Variants in FHIT observed in about 807,000 individuals in gnomAD.
FHIT encodes fragile histidine triad diadenosine triphosphatase.
Under a neutral mutation model 17.9 loss-of-function variants are expected in FHIT, and 19 were observed. The observed-to-expected ratio is 1.06, with a 90% CI of 0.74 to 1.56. The LOEUF (loss-of-function observed/expected upper bound fraction) is 1.56. FHIT is among the 40% of genes most tolerant of loss of function. The pLI, the probability that FHIT is intolerant of heterozygous loss-of-function variation, is 0.00. For synonymous variants in FHIT, 81 were observed against 69.7 expected (o/e 1.16, Z -0.81); for missense variants, 248 against 189.2 (o/e 1.31, Z -1.82).
At chr3:59,788,155 C>T (rs1241422028) in intron 8 of FHIT, among the ~76,000 whole-genome samples, 2 of 152,162 alleles carry the variant, frequency 1.3e-5, no homozygotes, top group African/African-American at 4.8e-5. Flanking sequence ...CTATTAACCA[C>T]ATTTTCCCCT....
intron 5 of FHIT, among the ~76,000 whole-genome samples, chr3:60,139,998 T>G (rs1699970847): frequency 6.6e-6 from 1 of 151,994 alleles, no homozygotes; most frequent in Non-Finnish European, 1.5e-5. Context: ...GACACATGCC[T>G]ATAATCCCAG....
At chr3:59,994,462 G>T (rs995625843) in intron 7 of FHIT, among the ~76,000 whole-genome samples, 1 of 151,960 alleles carries the variant, frequency 6.6e-6, no homozygotes, top group Admixed American at 6.6e-5. Context: ...AATTTGAAAA[G>T]GCAAAAAGAA....
chr3:59,996,537 A>C (rs1699519174), intron 7 of FHIT, among the ~76,000 whole-genome samples: 1 of 152,050 alleles, frequency 6.6e-6, no homozygotes, highest in Non-Finnish European at 1.5e-5. Flanking sequence ...GAATACTTGA[A>C]AGATTCTATG....
At chr3:60,018,706 A>G (rs1186981797) in intron 5 of FHIT, among the ~76,000 whole-genome samples, 1 of 152,152 alleles carries the variant, frequency 6.6e-6, no homozygotes, top group East Asian at 1.9e-4. Context: ...GGCCGGGCGC[A>G]GTGGCTCACG....
chr3:60,939,417 T>C (rs1049266358), intron 3 of FHIT, among the ~76,000 whole-genome samples: 3 of 152,188 alleles, frequency 2.0e-5, no homozygotes, highest in African/African-American at 4.8e-5. Context: ...TACCCTTTAG[T>C]CCTTTACAGA....
intron 7 of FHIT, among the ~76,000 whole-genome samples, chr3:59,953,460 G>A (rs1019816062): frequency 6.6e-6 from 1 of 152,062 alleles, no homozygotes; most frequent in Non-Finnish European, 1.5e-5. Context: ...CATGATTCCC[G>A]GCCAGGTATG....
At position 60,860,193 on chromosome 3, in the gene FHIT, C is replaced by T. The variant is rs1553751102; in HGVS notation, c.-110-38182G>A. On this transcript the variant is annotated intron_variant, in intron 3 of 9. Coordinates refer to ENST00000492590, the MANE Select transcript of FHIT (RefSeq NM_002012.4). The stretch of plus-strand genomic sequence containing the variant: ...ATGTATATATGGTATACATGAGATA[C>T]ATCATATGTATATATGGTATACATG... Among the ~76,000 whole-genome samples, 83 of 98,418 alleles carry T rather than the reference C, an allele frequency of 8.4e-4. 2 individuals carry two copies. The highest frequency in any genetic ancestry group is 1.9e-3 in the African/African-American group (44 of 23,120). The allele number at this position is 98,418 out of a possible 152,430, so 64.6% of individuals were successfully genotyped here.
At chr3:60,320,721 G>C (rs1245511992) in intron 5 of FHIT, among the ~76,000 whole-genome samples, 1 of 152,036 alleles carries the variant, frequency 6.6e-6, no homozygotes, top group South Asian at 2.1e-4. Context: ...TATAAAACTT[G>C]TGCTATAATT....
chr3:60,930,738 G>C (rs1390901165), intron 3 of FHIT, among the ~76,000 whole-genome samples: 1 of 152,164 alleles, frequency 6.6e-6, no homozygotes, highest in Admixed American at 6.5e-5. Flanking sequence ...AGGATGTGGA[G>C]AAATAGGAAC....
At chr3:60,464,913 G>A (rs1044401189) in intron 5 of FHIT, among the ~76,000 whole-genome samples, 3 of 151,974 alleles carry the variant, frequency 2.0e-5, no homozygotes, top group Non-Finnish European at 4.4e-5. Context: ...TAGCTCTTTA[G>A]TCTTTTGAGT....
At chr3:61,180,160 T>C (rs1259078011) in intron 2 of FHIT, among the ~76,000 whole-genome samples, 1 of 152,302 alleles carries the variant, frequency 6.6e-6, no homozygotes. Flanking sequence ...TCAATTTATA[T>C]AGCAATTCAC....
intron 5 of FHIT, among the ~76,000 whole-genome samples, chr3:60,430,597 A>G (rs2107293623): frequency 6.6e-6 from 1 of 151,944 alleles, no homozygotes; most frequent in Admixed American, 6.6e-5. Context: ...CTCTTATATC[A>G]TTCTCTCTCT....
At chr3:59,890,483 G>C (rs1375788231) in intron 8 of FHIT, among the ~76,000 whole-genome samples, 2 of 152,178 alleles carry the variant, frequency 1.3e-5, no homozygotes, top group African/African-American at 2.4e-5. Context: ...TGAACACTCT[G>C]TGCTGCCTCG....
At chr3:60,487,078 A>G (rs1370774343) in intron 5 of FHIT, among the ~76,000 whole-genome samples, 1 of 152,186 alleles carries the variant, frequency 6.6e-6, no homozygotes, top group East Asian at 1.9e-4. Flanking sequence ...CTCTTGGCTG[A>G]TCTCTTTGGG....
At chr3:59,791,178 C>T (rs1699540249) in intron 8 of FHIT, among the ~76,000 whole-genome samples, 1 of 152,170 alleles carries the variant, frequency 6.6e-6, no homozygotes, top group African/African-American at 2.4e-5. Flanking sequence ...TTCTAACTGG[C>T]CTTGGGATGG....
At chr3:59,946,965 G>C (rs1288311206) in intron 7 of FHIT, among the ~76,000 whole-genome samples, 1 of 152,148 alleles carries the variant, frequency 6.6e-6, no homozygotes, top group Admixed American at 6.6e-5. Flanking sequence ...ATACTGGCCT[G>C]AACTTTTCTA....
At chr3:60,964,613 T>G (rs1709621132) in intron 3 of FHIT, among the ~76,000 whole-genome samples, 1 of 152,200 alleles carries the variant, frequency 6.6e-6, no homozygotes, top group South Asian at 2.1e-4. Context: ...CAGGAGCTCT[T>G]GTAAGGCAGG....
At chr3:60,968,990 T>G (rs1709879955) in intron 3 of FHIT, among the ~76,000 whole-genome samples, 1 of 152,172 alleles carries the variant, frequency 6.6e-6, no homozygotes, top group African/African-American at 2.4e-5. Flanking sequence ...GCTAGGATTT[T>G]TTTTTCATTT....
At chr3:61,151,575 C>CTTTTTT (rs58140463) in intron 2 of FHIT, among the ~76,000 whole-genome samples, 1 of 129,268 alleles carries the variant, frequency 7.7e-6, no homozygotes. Context: ...CTTTTCTTTT[C>CTTTTTT]TTTTTTTTTT....
Sources: allele counts gnomAD v4.1 joint callset (sites outside exome capture counted in the v4.1 genomes callset), GRCh38; gene constraint gnomAD v4.1.1; transcripts MANE v1.5; gene names NCBI Gene and HGNC (gene_info 2026-07-23, HGNC 2026-07-21).